The following ALG13 variants were observed in gnomAD, a reference collection of about 807,000 sequenced individuals.
ALG13 encodes the protein ALG13 UDP-N-acetylglucosaminyltransferase subunit.
A neutral mutation model predicts 87.8 loss-of-function variants in ALG13; 11 were observed. The observed-to-expected ratio is 0.13, with a 90% CI of 0.08 to 0.21. The LOEUF (loss-of-function observed/expected upper bound fraction) is 0.21. ALG13 is among the 10% of genes least tolerant of loss of function. ALG13 has a pLI of 1.00. For synonymous variants in ALG13, 320 were observed against 306.3 expected, an observed-to-expected ratio of 1.04 and a Z score of -0.47; for missense variants, 756 against 866.1, an observed-to-expected ratio of 0.87 and a Z score of 1.60.
intron 24 of ALG13, 45 bp downstream of exon 24, chrX:111,744,949 A>G: frequency 9.4e-7 from 1 of 1,063,337 alleles, no homozygotes; most frequent in Non-Finnish European, 1.3e-6. Flanking sequence ...AGACTTAAAA[A>G]ATATTGTTAG....
chrX:111,740,932 G>C (rs750644445), intron 23 of ALG13, among the ~76,000 whole-genome samples: 3 of 112,177 alleles, frequency 2.7e-5, no homozygotes, highest in Non-Finnish European at 3.8e-5. Context: ...TAGATGAGGG[G>C]AAGTATCTTT....
intron 3 of ALG13, among the ~76,000 whole-genome samples, chrX:111,707,220 C>G (rs1032837047): frequency 8.9e-6 from 1 of 112,298 alleles, no homozygotes; most frequent in Admixed American, 9.4e-5. Flanking sequence ...CATTGTCCAA[C>G]TCATCTCATA....
At chrX:111,728,338 G>T (rs895202005) in intron 19 of ALG13, 33 bp downstream of exon 19, 4 of 1,200,812 alleles carry the variant, frequency 3.3e-6, no homozygotes, top group Non-Finnish European at 4.5e-6. Flanking sequence ...TTTTTTAAAA[G>T]ATTCTTGTGG....
chrX:111,759,786 T>C lies in ALG13; in HGVS notation c.3201T>C (p.Tyr1067=). ...CTGTCCCTCATGGAGCAGTCTATTA[T>C]CCAGTAATGTCAGATCCCTATGGGC... ...SSSVPHGAVY[Y]PVMSDPYGQP... is the part of the protein sequence containing the mutation. The change falls in exon 27 of 27, where the codon TAT becomes TAC. Residue 1067 remains tyrosine (Y), a synonymous_variant. Transcript: ENST00000394780. 1 of 1,209,214 alleles carries C rather than the reference T, an allele frequency of 8.3e-7. No individual in the cohort carries two copies. Among genetic ancestry groups the C allele is most frequent in the South Asian group, 1.8e-5 (1 of 56,586 alleles).
rs749420976 is a variant in ALG13 at position 111,735,127 on chromosome X, T to C, written c.2529+5T>C. ...TCATACAACTACCCCCAGAAGGTAA[T>C]CCTCATAGTGTTATTAAGCAGTTAC... is the stretch of plus-strand genomic sequence containing the variant. On this transcript the variant is annotated splice_donor_5th_base_variant and intron_variant, in intron 22 of 26. Transcript: ENST00000394780. 2 of 1,137,405 alleles carry C rather than the reference T, an allele frequency of 1.8e-6. No homozygotes were observed. The highest frequency in any genetic ancestry group is 2.2e-5 in the Admixed American group (1 of 44,656). 93.7% of individuals were successfully genotyped at this position (1,137,405 alleles called of 1,213,427 possible). A position where few individuals can be genotyped will look rare whatever the true frequency, so the allele number is the denominator to read the frequency against.
chrX:111,726,593 A>G (rs1305830148), intron 15 of ALG13, among the ~76,000 whole-genome samples: 2 of 110,798 alleles, frequency 1.8e-5, no homozygotes, highest in Non-Finnish European at 3.8e-5. Flanking sequence ...TAGTGCCGAG[A>G]TATACCCATT....
chrX:111,713,120 T>C, intron 7 of ALG13, 105 bp from the exon 8 acceptor site: 1 of 494,294 alleles, frequency 2.0e-6, no homozygotes, highest in Non-Finnish European at 3.5e-6. Context: ...TATTACTTTA[T>C]ATGAATAAGG....
At chrX:111,686,124 T>C in intron 3 of ALG13, 1 of 1,106,326 alleles carries the variant, frequency 9.0e-7, no homozygotes, top group Non-Finnish European at 1.2e-6. Context: ...ATTACTTGTT[T>C]GTTTTCTATT....
At chrX:111,729,609 G>A (rs1283951337) in intron 19 of ALG13, among the ~76,000 whole-genome samples, 1 of 111,579 alleles carries the variant, frequency 9.0e-6, no homozygotes, top group Non-Finnish European at 1.9e-5. Context: ...ATCTGGAGGA[G>A]TTTCATGCGT....
intron 8 of ALG13, 69 bp from the exon 9 acceptor site, chrX:111,717,776 AT>A: frequency 1.3e-6 from 1 of 750,671 alleles, no homozygotes. Context: ...TTTCAAGTTA[AT>A]TATCATCTTA....
chrX:111,750,610 T>A (rs903430407), intron 24 of ALG13, among the ~76,000 whole-genome samples: 2 of 111,278 alleles, frequency 1.8e-5, no homozygotes, highest in African/African-American at 6.5e-5. Flanking sequence ...CTGTCAGCAT[T>A]TTTTTAGCAG....
chrX:111,731,679 T>C (rs1942703005), intron 21 of ALG13, among the ~76,000 whole-genome samples: 1 of 112,438 alleles, frequency 8.9e-6, no homozygotes, highest in Non-Finnish European at 1.9e-5. Context: ...GGCTGTAAGA[T>C]TAATTTATTC....
At chrX:111,698,046 T>C (rs1291223571) in intron 3 of ALG13, among the ~76,000 whole-genome samples, 1 of 112,231 alleles carries the variant, frequency 8.9e-6, no homozygotes, top group African/African-American at 3.2e-5. Flanking sequence ...GTTAATTGAT[T>C]ATACAAGGCT....
intron 3 of ALG13, chrX:111,689,356 G>C: frequency 1.3e-6 from 1 of 753,906 alleles, no homozygotes; most frequent in Non-Finnish European, 1.6e-6. Flanking sequence ...GTGACTTTAT[G>C]TTGGTCACTT....
chrX:111,751,773 T>G (rs1944774664), intron 24 of ALG13, among the ~76,000 whole-genome samples: 1 of 111,661 alleles, frequency 9.0e-6, no homozygotes, highest in Non-Finnish European at 1.9e-5. Context: ...AGTCTCCAAC[T>G]TAAAGAGGGA....
intron 23 of ALG13, among the ~76,000 whole-genome samples, chrX:111,739,631 A>G (rs1943576286): frequency 8.9e-6 from 1 of 112,399 alleles, no homozygotes; most frequent in Admixed American, 9.4e-5. Context: ...ATACTCAAGG[A>G]AAGAATATGT....
At chrX:111,737,738 T>C (rs1943371025) in intron 23 of ALG13, among the ~76,000 whole-genome samples, 1 of 112,410 alleles carries the variant, frequency 8.9e-6, no homozygotes, top group African/African-American at 3.2e-5. Context: ...GCAGACAATT[T>C]GGAAGCAGCA....
chrX:111,692,879 C>A (rs543915008), intron 3 of ALG13, among the ~76,000 whole-genome samples: 1 of 111,356 alleles, frequency 9.0e-6, no homozygotes, highest in East Asian at 2.8e-4. Context: ...TCCTCTGCCT[C>A]CCCTGGTCAA....
chrX:111,719,743 C>T (rs1158946136), intron 10 of ALG13, among the ~76,000 whole-genome samples: 1 of 111,702 alleles, frequency 9.0e-6, no homozygotes, highest in Non-Finnish European at 1.9e-5. Flanking sequence ...TGTCAGTTGG[C>T]AGAAGTAACC....
Sources: allele counts gnomAD v4.1 joint callset (sites outside exome capture counted in the v4.1 genomes callset), GRCh38; gene constraint gnomAD v4.1.1; transcripts MANE v1.5; gene names NCBI Gene and HGNC (gene_info 2026-07-23, HGNC 2026-07-21).